ZDHHC13: variants seen among roughly 807,000 people sequenced by gnomAD.
ZDHHC13 encodes the protein zDHHC palmitoyltransferase 13.
ZDHHC13 carries 85 observed loss-of-function variants against 86.0 expected under a neutral mutation model. The ratio of observed to expected loss-of-function variants is 0.99; its 90% CI spans 0.83 to 1.18. The LOEUF is 1.18. ZDHHC13 is among the 50% of genes most tolerant of loss of function. ZDHHC13 has a pLI of 0.00. For missense variants in ZDHHC13, 711 were observed against 730.2 expected, an observed-to-expected ratio of 0.97 and a Z score of 0.30; for synonymous variants, 263 against 246.4, an observed-to-expected ratio of 1.07 and a Z score of -0.63.
Position 19,170,394 on chromosome 11 carries a change from T to TC in ZDHHC13, c.1475-17_1475-16insC. The TC allele has an allele frequency of 6.7e-7, 1 of 1,495,314 alleles. No individual in the cohort carries two copies. The highest frequency in any genetic ancestry group is 8.8e-7 in the Non-Finnish European group (1 of 1,130,838). The allele number at this position is 1,495,314 out of a possible 1,614,324, so 92.6% of individuals were successfully genotyped here. ...TATTGCCTTTTTTTTTTTTTTTTTT[T>TC]TTTGGTGAATTCACAGATTTGTCCA... On this transcript the variant is annotated splice_polypyrimidine_tract_variant and intron_variant, in intron 14 of 16. Transcript: ENST00000446113.
chr11:19,164,861 G>A lies in ZDHHC13; in HGVS notation c.1297-191G>A, dbSNP rs540189034. On this transcript the variant is annotated intron_variant, in intron 12 of 16. Coordinates refer to ENST00000446113, the MANE Select transcript of ZDHHC13 (RefSeq NM_019028.3). ...GGCTCTGGAATTCAGATCCCACTTAGTGATGTCCTAATCAAAGTAGACATA... is the reference window on the plus strand; with the variant it reads ...GGCTCTGGAATTCAGATCCCACTTAATGATGTCCTAATCAAAGTAGACATA... 5.2e-6 allele frequency: 3 copies of A among 576,978 alleles called. No homozygotes were observed. In the South Asian group the frequency reaches 6.1e-5, roughly 12 times the overall value. 35.7% of individuals were successfully genotyped at this position (576,978 alleles called of 1,614,324 possible). A position where few individuals can be genotyped will look rare whatever the true frequency, so the allele number is the denominator to read the frequency against.
rs558607013 is a variant in ZDHHC13 at position 19,165,680 on chromosome 11, G to A, written c.1390+535G>A. ...CTCAGATTGTGGGTTGCCACTCTTT[G>A]CATGTCCAGTAGCAACATGTAAATT... On this transcript the variant is annotated intron_variant, in intron 13 of 16. Transcript: ENST00000446113. Among the ~76,000 whole-genome samples the A allele has an allele frequency of 3.9e-5, 6 of 152,310 alleles. No individual in the cohort carries two copies. The East Asian group carries it at 9.6e-4, about 24-fold the overall frequency.
At chr11:19,147,775 C>CCA in intron 4 of ZDHHC13, 102 bp downstream of exon 4, 3 of 754,418 alleles carry the variant, frequency 4.0e-6, no homozygotes, top group Non-Finnish European at 3.8e-6. Context: ...CTTTTCTTCC[C>CCA]CCCCCCCCTT....
chr11:19,146,103 A>T (rs1849456428), intron 2 of ZDHHC13, 78 bp from the exon 3 acceptor site: 1 of 1,403,626 alleles, frequency 7.1e-7, no homozygotes, highest in Admixed American at 2.5e-5. Flanking sequence ...TAGTGAAAAG[A>T]TATAGTAAAG....
chr11:19,167,110 A>T (rs1850092865), intron 14 of ZDHHC13: 1 of 152,130 alleles, frequency 6.6e-6, no homozygotes, highest in South Asian at 2.1e-4. Context: ...AACTGGAAAA[A>T]CCTATAGTGC....
intron 14 of ZDHHC13, chr11:19,167,485 T>C (rs1220397654): frequency 6.6e-6 from 1 of 152,178 alleles, no homozygotes; most frequent in Admixed American, 6.5e-5. Flanking sequence ...CCTAGAAATA[T>C]CAAGTATTAC....
intron 1 of ZDHHC13, 90 bp from the exon 2 acceptor site, chr11:19,142,888 A>C: frequency 8.3e-6 from 11 of 1,327,312 alleles, no homozygotes; most frequent in South Asian, 1.7e-5. Flanking sequence ...TTATTAATAT[A>C]GATATTGTTG....
At position 19,147,653 on chromosome 11, in the gene ZDHHC13, T is replaced by C. The variant is rs1319162582; in HGVS notation, c.354T>C (p.Thr118=). 6.2e-7 allele frequency: 1 copy of C among 1,601,558 alleles called. No homozygotes were observed. Among genetic ancestry groups the C allele is most frequent in the Non-Finnish European group, 8.5e-7 (1 of 1,173,470 alleles). ...AGTTGGGTGGAGATTTAAATTCAAC[T>C]CCTCTTCACTGGGCCATCCGGTAAG... The part of the protein sequence containing the change: ...VDQLGGDLNS[T]PLHWAIRQGH... The change falls in exon 4 of 17, where the codon ACT becomes ACC. Residue 118 remains threonine, a synonymous_variant. Coordinates refer to ENST00000446113, the MANE Select transcript of ZDHHC13 (RefSeq NM_019028.3).
At chr11:19,133,928 T>TAG (rs1849060430) in intron 1 of ZDHHC13, among the ~76,000 whole-genome samples, 1 of 92,578 alleles carries the variant, frequency 1.1e-5, no homozygotes. Context: ...TCCATATATA[T>TAG]ATATATATAT....
chr11:19,135,559 G>A (rs1171813338), intron 1 of ZDHHC13, among the ~76,000 whole-genome samples: 4 of 152,240 alleles, frequency 2.6e-5, no homozygotes, highest in Non-Finnish European at 4.4e-5. Context: ...CTCGAACTGG[G>A]TGGAGCCCAC....
rs1449309683 is a variant in ZDHHC13 at position 19,171,548 on chromosome 11, G to A, written c.1632+980G>A. Reference sequence around the variant, plus strand: ...TAATATTGACTAAACTGAGGTTTCCGAACATTCCTCTCACTCTCCTATCAC... The same window carrying A: ...TAATATTGACTAAACTGAGGTTTCCAAACATTCCTCTCACTCTCCTATCAC... On this transcript the variant is annotated intron_variant, in intron 15 of 16. Transcript: ENST00000446113. Among the ~76,000 whole-genome samples the A allele has an allele frequency of 3.2e-4, 48 of 152,090 alleles. 1 individual carries two copies. Among genetic ancestry groups the A allele is most frequent in the Non-Finnish European group, 4.4e-5 (3 of 68,014 alleles).
At chr11:19,174,121 T>C (rs1850296356) in intron 16 of ZDHHC13, among the ~76,000 whole-genome samples, 6 of 152,220 alleles carry the variant, frequency 3.9e-5, no homozygotes, top group African/African-American at 1.4e-4. Flanking sequence ...ATATACCATG[T>C]TATTTCAGTC....
In ZDHHC13 at chr11:19,164,290, A is replaced by G; in HGVS notation, c.1234-11A>G. 6.2e-7 allele frequency: 1 copy of G among 1,612,670 alleles called. No homozygotes were observed. Among genetic ancestry groups the G allele is most frequent in the Non-Finnish European group, 8.5e-7 (1 of 1,179,328 alleles). On this transcript the variant is annotated splice_polypyrimidine_tract_variant and intron_variant, in intron 11 of 16. Transcript: ENST00000446113. ...AAAATGTGGTAATAGGTCAAACTTC[A>G]TGTCTTTCAGAATATCATCACCCTT...
chr11:19,120,174 A>C (rs1503508), intron 1 of ZDHHC13, among the ~76,000 whole-genome samples: 90,021 of 152,082 alleles, frequency 0.59, 28,176 homozygotes, highest in Admixed American at 0.7. Flanking sequence ...ACCTCAAAAC[A>C]TAGTGGTATA....
rs181165190 is a variant in ZDHHC13, at chr11:19,169,147, C to T, written c.1475-1264C>T. 12 of 985,408 alleles carry T rather than the reference C, an allele frequency of 1.2e-5. No homozygotes were observed. In the East Asian group the frequency reaches 5.7e-4, roughly 47 times the overall value. The allele number at this position is 985,408 out of a possible 1,614,324, so 61.0% of individuals were successfully genotyped here. A position where few individuals can be genotyped will look rare whatever the true frequency, so the allele number is the denominator to read the frequency against. On this transcript the variant is annotated intron_variant, in intron 14 of 16. Transcript: ENST00000446113. ...ATCATGCTGTATTATCAAAAGAATT[C>T]CCAGAAGGGAGCAGTAGAAATCCAT...
rs575226086 is a variant in ZDHHC13 at position 19,132,175 on chromosome 11, G to A, written c.28-10803G>A. Among the ~76,000 whole-genome samples, 8 of 152,248 alleles carry A rather than the reference G, an allele frequency of 5.3e-5. No individual in the cohort carries two copies. In the South Asian group the frequency reaches 1.7e-3, roughly 32 times the overall value. Reference sequence around the variant, plus strand: ...GGACTTTGTGAATGCACGTTGATGAGTATCTGGTATTTGTTGCCTGTCTTT... The same window carrying A: ...GGACTTTGTGAATGCACGTTGATGAATATCTGGTATTTGTTGCCTGTCTTT... On this transcript the variant is annotated intron_variant, in intron 1 of 16. Transcript: ENST00000446113.
At chr11:19,163,187 G>C in intron 10 of ZDHHC13, 116 bp from the exon 11 acceptor site, 2 of 1,056,788 alleles carry the variant, frequency 1.9e-6, no homozygotes, top group Non-Finnish European at 2.6e-6. Context: ...TTTAGGGGCA[G>C]GGACATGTGT....
intron 9 of ZDHHC13, 31 bp downstream of exon 9, chr11:19,155,960 AT>A (rs1445951239): frequency 6.4e-7 from 1 of 1,572,854 alleles, no homozygotes; most frequent in East Asian, 2.3e-5. Flanking sequence ...AAGGCTGGTT[AT>A]TGTGTTTCTG....
intron 1 of ZDHHC13, chr11:19,118,920 C>T (rs966292773): frequency 2.0e-5 from 3 of 152,194 alleles, no homozygotes; most frequent in African/African-American, 4.8e-5. Context: ...AGACTTCAGT[C>T]GTTCATTCAG....
Sources: allele counts gnomAD v4.1 joint callset (sites outside exome capture counted in the v4.1 genomes callset), GRCh38; gene constraint gnomAD v4.1.1; transcripts MANE v1.5; gene names NCBI Gene and HGNC (gene_info 2026-07-23, HGNC 2026-07-21).